PROX1: variants seen among roughly 807,000 people sequenced by gnomAD.
The protein encoded by PROX1 is prospero homeobox 1, also known as prospero homeobox protein 1.
PROX1 carries 7 observed loss-of-function variants against 58.8 expected under a neutral mutation model. The observed-to-expected ratio is 0.12, with a 90% CI of 0.07 to 0.22. The LOEUF (loss-of-function observed/expected upper bound fraction) is 0.22, where lower values mean the gene tolerates loss of function less well. Among genes scored for constraint, PROX1 ranks in the 10% least tolerant of loss-of-function variants. The pLI, the probability that PROX1 is intolerant of heterozygous loss-of-function variation, is 1.00. For synonymous variants in PROX1, 350 were observed against 358.3 expected, an observed-to-expected ratio of 0.98 and a Z score of 0.26; for missense variants, 675 against 927.8, an observed-to-expected ratio of 0.73 and a Z score of 3.54.
At chr1:214,022,350 C>A (rs1190422992) in intron 4 of PROX1, among the ~76,000 whole-genome samples, 1 of 152,222 alleles carries the variant, frequency 6.6e-6, no homozygotes, top group African/African-American at 2.4e-5. Flanking sequence ...GCTGTATAAG[C>A]ATTCACATTT....
chr1:213,985,722 A>C (rs1662808579), upstream of PROX1: 1 of 152,234 alleles, frequency 6.6e-6, no homozygotes, highest in South Asian at 2.1e-4. Context: ...GTGTGTGCAA[A>C]ACGTGCATTC....
At chr1:214,009,684 C>A (rs1663841004) in intron 3 of PROX1, among the ~76,000 whole-genome samples, 2 of 152,066 alleles carry the variant, frequency 1.3e-5, no homozygotes, top group African/African-American at 4.8e-5. Flanking sequence ...ATGGCAAGTG[C>A]ACTTACTTTT....
chr1:214,008,255 A>G (rs2102723393), intron 3 of PROX1, among the ~76,000 whole-genome samples: 1 of 152,104 alleles, frequency 6.6e-6, no homozygotes, highest in Non-Finnish European at 1.5e-5. Flanking sequence ...GGGTTTCACC[A>G]TGTTGGCGAA....
In PROX1 at chr1:214,041,482, CTTTA is replaced by C. The variant is rs1358653973; in HGVS notation, c.*5653_*5656del. ...TCTCTGAAACATCTTTCAGGCTTAA[CTTTA>C]TTTAGCCCTGAAACTTAAAAAAAAA... On this transcript the variant is annotated 3_prime_UTR_variant, in exon 5 of 5. Transcript: ENST00000366958. 1 of 147,734 alleles carries C rather than the reference CTTTA, an allele frequency of 6.8e-6. No homozygotes were observed. The highest frequency in any genetic ancestry group is 1.5e-5 in the Non-Finnish European group (1 of 67,240). 9.2% of individuals were successfully genotyped at this position (147,734 alleles called of 1,614,324 possible).
chr1:214,031,824 T>C (rs1664667940), intron 4 of PROX1, among the ~76,000 whole-genome samples: 1 of 152,156 alleles, frequency 6.6e-6, no homozygotes, highest in Non-Finnish European at 1.5e-5. Flanking sequence ...AAGGTCTCTT[T>C]TTCCATGGGT....
In PROX1 at chr1:214,036,050, T is replaced by C. The variant is rs1483001566; in HGVS notation, c.*216T>C. ...GTTTTCTTTCTGCCTTTAGTTTGCT[T>C]TTGCCCAAGGCCCTTAACATTTGGA... On this transcript the variant is annotated 3_prime_UTR_variant, in exon 5 of 5. Coordinates refer to ENST00000366958, the MANE Select transcript of PROX1 (RefSeq NM_001270616.2). 1 of 408,846 alleles carries C rather than the reference T, an allele frequency of 2.4e-6. No individual in the cohort carries two copies. The highest frequency in any genetic ancestry group is 4.3e-6 in the Non-Finnish European group (1 of 235,068). 25.3% of individuals were successfully genotyped at this position (408,846 alleles called of 1,614,324 possible). A position where few individuals can be genotyped will look rare whatever the true frequency, so the allele number is the denominator to read the frequency against.
At chr1:214,029,357 C>G (rs1664568070) in intron 4 of PROX1, 1 of 152,188 alleles carries the variant, frequency 6.6e-6, no homozygotes, top group African/African-American at 2.4e-5. Context: ...GATGCAGATG[C>G]AGTTTTTCTA....
chr1:214,016,047 T>TAATA (rs1664083328), intron 4 of PROX1, among the ~76,000 whole-genome samples: 1 of 152,224 alleles, frequency 6.6e-6, no homozygotes, highest in Admixed American at 6.5e-5. Context: ...TCTAAGGTAC[T>TAATA]AATACCTCAC....
Position 213,998,297 on chromosome 1 carries a change from C to T in PROX1, c.1725+37C>T. 1.3e-6 allele frequency: 2 copies of T among 1,511,508 alleles called. 1 individual carries two copies. Among genetic ancestry groups the T allele is most frequent in the Middle Eastern group, 3.6e-4 (2 of 5,594 alleles). The allele number at this position is 1,511,508 out of a possible 1,614,324, so 93.6% of individuals were successfully genotyped here. On this transcript the variant is annotated intron_variant, in intron 2 of 4. Transcript: ENST00000366958. The stretch of plus-strand genomic sequence containing the variant: ...TTTTCCCCTCGAGGAAAAAACAAAC[C>T]AAAAAAGGTTTCCCAAAAGGTTGGG...
At chr1:214,033,594 T>C (rs896336158) in intron 4 of PROX1, among the ~76,000 whole-genome samples, 1 of 152,162 alleles carries the variant, frequency 6.6e-6, no homozygotes, top group Non-Finnish European at 1.5e-5. Context: ...CAAAACTCCA[T>C]CTCAAATAAA....
At chr1:213,990,285 C>CTG (rs565935400) in intron 1 of PROX1, among the ~76,000 whole-genome samples, 75 of 151,808 alleles carry the variant, frequency 4.9e-4, no homozygotes, top group African/African-American at 1.8e-3. Flanking sequence ...TCCTCTGTGT[C>CTG]TGTGTGTGTC....
chr1:214,033,264 G>A (rs1347491531), intron 4 of PROX1, among the ~76,000 whole-genome samples: 4 of 152,190 alleles, frequency 2.6e-5, no homozygotes, highest in Admixed American at 6.5e-5. Context: ...ATTGCCGTTG[G>A]CTGATGAAAC....
At position 214,037,503 on chromosome 1, in the gene PROX1, C is replaced by G. The variant is rs1344321648; in HGVS notation, c.*1669C>G. 3.3e-5 allele frequency: 5 copies of G among 152,190 alleles called. No homozygotes were observed. The highest frequency in any genetic ancestry group is 5.9e-5 in the Non-Finnish European group (4 of 68,050). The allele number at this position is 152,190 out of a possible 1,614,324, so 9.4% of individuals were successfully genotyped here. A position where few individuals can be genotyped will look rare whatever the true frequency, so the allele number is the denominator to read the frequency against. On this transcript the variant is annotated 3_prime_UTR_variant, in exon 5 of 5. Coordinates refer to ENST00000366958, the MANE Select transcript of PROX1 (RefSeq NM_001270616.2). The stretch of plus-strand genomic sequence containing the variant: ...TGTAATTTAACGTCATTTATAAATT[C>G]TGCTGATGGACAGGAATGTATGAAC...
At chr1:214,007,345 C>A (rs1305709987) in intron 3 of PROX1, among the ~76,000 whole-genome samples, 10 of 152,194 alleles carry the variant, frequency 6.6e-5, no homozygotes, top group Admixed American at 6.5e-4. Flanking sequence ...TGGTTACTAC[C>A]AATTATCCAC....
intron 4 of PROX1, among the ~76,000 whole-genome samples, chr1:214,035,246 C>T (rs781734298): frequency 5.9e-5 from 9 of 152,142 alleles, no homozygotes; most frequent in Non-Finnish European, 1.3e-4. Context: ...ATTTTGAGAA[C>T]GTATTTTGTT....
chr1:213,997,940 C>T lies in PROX1; in HGVS notation c.1405C>T (p.Leu469Phe). 1.2e-6 allele frequency: 2 copies of T among 1,613,980 alleles called. No individual in the cohort carries two copies. The highest frequency in any genetic ancestry group is 1.7e-6 in the Non-Finnish European group (2 of 1,179,906). The change falls in exon 2 of 5, where the codon CTC becomes TTC. Residue 469 changes from leucine to phenylalanine, a missense_variant. Around this residue, in one of 8 missense-constraint regions of PROX1, gnomAD observed 403 missense variants for 477.4 expected, o/e 0.84. Coordinates refer to ENST00000366958, the MANE Select transcript of PROX1 (RefSeq NM_001270616.2). The surrounding 1 kb of genome is among the most constrained non-coding windows in gnomAD (Gnocchi z 7.1). ...CCACCAGCCCCTGCACCAGTCGCCT[C>T]TCTCTGCCACCACGGGCTTCACCAC... ...GHHQPLHQSP[L>F]SATTGFTTST...
upstream of PROX1, chr1:213,987,499 C>G (rs1211057490): frequency 1.4e-5 from 2 of 147,348 alleles, no homozygotes; most frequent in Non-Finnish European, 3.0e-5. Flanking sequence ...CGGAGGAGCG[C>G]TCACTCGCTC....
intron 4 of PROX1, among the ~76,000 whole-genome samples, chr1:214,027,902 T>A (rs1466662928): frequency 6.6e-6 from 1 of 151,788 alleles, no homozygotes; most frequent in Non-Finnish European, 1.5e-5. Flanking sequence ...TATTGCCATG[T>A]GTTCCTTTGT....
chr1:214,012,531 G>A (rs1315059154), intron 4 of PROX1, among the ~76,000 whole-genome samples: 2 of 152,134 alleles, frequency 1.3e-5, no homozygotes, highest in Admixed American at 6.5e-5. Context: ...TCATCACAAC[G>A]TGATGACTCT....
Sources: gnomAD v4.1 joint callset for allele counts (sites outside exome capture counted in the v4.1 genomes callset) on GRCh38, gnomAD v4.1.1 for gene constraint, gnomAD v4.1.1 regional missense constraint, Gnocchi (gnomAD v3.1) non-coding constraint, MANE v1.5 for transcripts, NCBI Gene and HGNC (gene_info 2026-07-23, HGNC 2026-07-21) for gene names.